Variants in TMEM178B observed in about 807,000 individuals in gnomAD.
TMEM178B encodes transmembrane protein 178B.
Under a neutral mutation model 31.0 loss-of-function variants are expected in TMEM178B, and 5 were observed. The ratio of observed to expected loss-of-function variants is 0.16; its 90% CI spans 0.08 to 0.34. TMEM178B has a LOEUF of 0.34. Among genes scored for constraint, TMEM178B ranks in the 10% least tolerant of loss-of-function variants. TMEM178B has a pLI of 1.00. For missense variants in TMEM178B, 275 were observed against 400.3 expected, an observed-to-expected ratio of 0.69 and a Z score of 2.67; for synonymous variants, 164 against 164.0, an observed-to-expected ratio of 1.00 and a Z score of 0.00.
chr7:141,127,909 T>C (rs1795526383), intron 1 of TMEM178B, among the ~76,000 whole-genome samples: 1 of 152,214 alleles, frequency 6.6e-6, no homozygotes, highest in Non-Finnish European at 1.5e-5. Flanking sequence ...TTGCACCATA[T>C]TACCTCTCAG....
At chr7:141,426,606 G>A (rs1801320842) in intron 2 of TMEM178B, among the ~76,000 whole-genome samples, 1 of 152,144 alleles carries the variant, frequency 6.6e-6, no homozygotes, top group South Asian at 2.1e-4. Context: ...AGCTTGTTGT[G>A]ACTAAAGCAT....
intron 1 of TMEM178B, among the ~76,000 whole-genome samples, chr7:141,084,566 G>T (rs894620038): frequency 6.6e-6 from 1 of 152,134 alleles, no homozygotes; most frequent in East Asian, 1.9e-4. Flanking sequence ...AGCCGTCAGC[G>T]CATGTTTTGC....
chr7:141,171,814 A>G lies in TMEM178B; in HGVS notation c.383-40777A>G, dbSNP rs902847123. Among the ~76,000 whole-genome samples, 1 of 150,060 alleles carries G rather than the reference A, an allele frequency of 6.7e-6. No individual in the cohort carries two copies. Among genetic ancestry groups the G allele is most frequent in the Non-Finnish European group, 1.5e-5 (1 of 67,640 alleles). ...ACCCAGTGCCTAACACTGTGCTAGC[A>G]TTTATCAGGCTCTCAATACACATTT... On this transcript the variant is annotated intron_variant, in intron 1 of 3. Coordinates refer to ENST00000565468, the MANE Select transcript of TMEM178B (RefSeq NM_001195278.2). The surrounding 1 kb of genome is among the most constrained non-coding windows in gnomAD (Gnocchi z 4.3).
chr7:141,429,527 A>G (rs1801384102), intron 2 of TMEM178B, among the ~76,000 whole-genome samples: 1 of 152,208 alleles, frequency 6.6e-6, no homozygotes, highest in Non-Finnish European at 1.5e-5. Flanking sequence ...TGGTTACCAG[A>G]GGCTGGTGTG....
At chr7:141,240,302 A>G (rs1305645248) in intron 2 of TMEM178B, among the ~76,000 whole-genome samples, 1 of 152,236 alleles carries the variant, frequency 6.6e-6, no homozygotes, top group Admixed American at 6.5e-5. Context: ...ATTATTATTA[A>G]AAAACATGTA....
chr7:141,268,489 A>T (rs1798129433), intron 2 of TMEM178B, among the ~76,000 whole-genome samples: 1 of 152,250 alleles, frequency 6.6e-6, no homozygotes, highest in Non-Finnish European at 1.5e-5. Context: ...GTAATTGAAG[A>T]GTACCCGTGA....
intron 2 of TMEM178B, among the ~76,000 whole-genome samples, chr7:141,412,429 G>T (rs892605781): frequency 2.6e-5 from 4 of 152,170 alleles, no homozygotes; most frequent in African/African-American, 9.7e-5. Context: ...TTAGAGTGGA[G>T]GCAAGTTCAG....
At chr7:141,215,640 T>C (rs1797120541) in intron 2 of TMEM178B, among the ~76,000 whole-genome samples, 1 of 152,080 alleles carries the variant, frequency 6.6e-6, no homozygotes, top group Non-Finnish European at 1.5e-5. Flanking sequence ...TATCATTTTA[T>C]AATCTGACCA....
At chr7:141,358,768 T>C (rs1204671281) in intron 2 of TMEM178B, among the ~76,000 whole-genome samples, 2 of 152,164 alleles carry the variant, frequency 1.3e-5, no homozygotes, top group Non-Finnish European at 2.9e-5. Context: ...TAGAGAATGA[T>C]GTTTAGATTT....
the TMEM178B span, among the ~76,000 whole-genome samples, chr7:141,493,214 A>G: frequency 9.2e-5 from 14 of 151,828 alleles, no homozygotes; most frequent in Non-Finnish European, 1.3e-4. Context: ...CCTCCTCACG[A>G]CCCTCAGGAA....
At chr7:141,454,233 A>C (rs1332899208) in intron 3 of TMEM178B, among the ~76,000 whole-genome samples, 1 of 152,160 alleles carries the variant, frequency 6.6e-6, no homozygotes, top group Non-Finnish European at 1.5e-5. Context: ...TAGCATGGCT[A>C]AGGGAAGTGG....
chr7:141,181,678 T>C (rs920964483), intron 1 of TMEM178B, among the ~76,000 whole-genome samples: 1 of 152,218 alleles, frequency 6.6e-6, no homozygotes, highest in Non-Finnish European at 1.5e-5. Context: ...TGAGTTCGGG[T>C]TCACAACCAC....
At position 141,212,904 on chromosome 7, in the gene TMEM178B, AAAATT is replaced by A. The variant is rs1393523780; in HGVS notation, c.496+204_496+208del. ...TTATAAATTTGGGGAGTTTGCTTCT[AAAATT>A]AAAGAAAGAACCAACCGTCAAAACT... On this transcript the variant is annotated intron_variant, in intron 2 of 3. Transcript: ENST00000565468. 154 of 511,584 alleles carry A rather than the reference AAAATT, an allele frequency of 3.0e-4. 1 individual carries two copies. The South Asian group carries it at 4.8e-3, about 16-fold the overall frequency. The allele number at this position is 511,584 out of a possible 1,614,324, so 31.7% of individuals were successfully genotyped here.
chr7:141,198,216 C>T (rs145723069), intron 1 of TMEM178B, among the ~76,000 whole-genome samples: 1,678 of 152,172 alleles, frequency 0.011, 15 homozygotes, highest in Non-Finnish European at 0.017. Context: ...TGTTTGAATC[C>T]TCTCATTTTT....
intron 2 of TMEM178B, among the ~76,000 whole-genome samples, chr7:141,299,164 A>C (rs1563144869): frequency 6.6e-6 from 1 of 152,058 alleles, no homozygotes; most frequent in East Asian, 1.9e-4. Flanking sequence ...TTCTTCTTAG[A>C]AACCAAGCCA....
chr7:141,094,987 A>C (rs1000730861), intron 1 of TMEM178B, among the ~76,000 whole-genome samples: 14 of 152,206 alleles, frequency 9.2e-5, no homozygotes, highest in African/African-American at 3.4e-4. Flanking sequence ...ACCTCCCCAC[A>C]ACAAGTATTT....
the TMEM178B span, among the ~76,000 whole-genome samples, chr7:141,505,887 C>T: frequency 2.6e-5 from 4 of 152,200 alleles, no homozygotes; most frequent in South Asian, 8.3e-4. Flanking sequence ...CCAATGGTGT[C>T]GTAGTAGACC....
In TMEM178B at chr7:141,124,524, G is replaced by A. The variant is rs7779345; in HGVS notation, c.382+49832G>A. Among the ~76,000 whole-genome samples the A allele has an allele frequency of 7.5e-3, 1,134 of 152,162 alleles. 12 individuals carry two copies. Among genetic ancestry groups the A allele is most frequent in the African/African-American group, 0.026 (1,069 of 41,506 alleles). On this transcript the variant is annotated intron_variant, in intron 1 of 3. Coordinates refer to ENST00000565468, the MANE Select transcript of TMEM178B (RefSeq NM_001195278.2). ...TACTATTGGCAAGCATGGTTGCCTC[G>A]ACTGTAAGCTCTCTGAGGGCGGGAC...
intron 1 of TMEM178B, among the ~76,000 whole-genome samples, chr7:141,133,376 A>G (rs1005504749): frequency 2.0e-5 from 3 of 152,120 alleles, no homozygotes; most frequent in Non-Finnish European, 2.9e-5. Context: ...GAAATTCAAC[A>G]AAGATATACT....
Sources: gnomAD v4.1 joint callset for allele counts (sites outside exome capture counted in the v4.1 genomes callset) on GRCh38, gnomAD v4.1.1 for gene constraint, Gnocchi (gnomAD v3.1) non-coding constraint, MANE v1.5 for transcripts, NCBI Gene and HGNC (gene_info 2026-07-23, HGNC 2026-07-21) for gene names.